CLUH: variants seen among roughly 807,000 people sequenced by gnomAD.
CLUH encodes CLUH binding protein of NUMT mRNA.
Under a neutral mutation model 139.3 loss-of-function variants are expected in CLUH, and 77 were observed. The observed-to-expected ratio is 0.55, with a 90% CI of 0.46 to 0.67. The LOEUF (loss-of-function observed/expected upper bound fraction) is 0.67, where lower values mean the gene tolerates loss of function less well. Among genes scored for constraint, CLUH ranks in the 30% least tolerant of loss-of-function variants. CLUH has a pLI of 0.00. For missense variants in CLUH, 1,876 were observed against 1,875.8 expected (o/e 1.00, Z 0.00); for synonymous variants, 999 against 801.6 (o/e 1.25, Z -4.16).
In CLUH at chr17:2,692,410, C is replaced by A. The variant is rs374574637; in HGVS notation, c.3511G>T (p.Ala1171Ser). 1.5e-3 allele frequency: 2,352 copies of A among 1,598,516 alleles called. 45 individuals are homozygous for A. In the South Asian group the frequency reaches 0.025, roughly 17 times the overall value. Reference protein sequence around the residue: ...LSLRFLENALAVSTKYHGPKA... With the variant: ...LSLRFLENALSVSTKYHGPKA... ...GGCCCGTGGTACTTGGTGCTGACGG[C>A]CAGCGCGTTCTCCAGGAAGCGCAGC... Residue 1171 changes from alanine (A) to serine (S), a missense_variant, in exon 22 of 26, where the codon GCC (alanine) becomes TCC (serine). Transcript: ENST00000651024.
In CLUH at chr17:2,707,235, G is replaced by C. The variant is rs1430452623; in HGVS notation, c.101-2671C>G. 2.0e-6 allele frequency: 2 copies of C among 985,330 alleles called. No individual in the cohort carries two copies. The highest frequency in any genetic ancestry group is 2.4e-6 in the Non-Finnish European group (2 of 829,932). 61.0% of individuals were successfully genotyped at this position (985,330 alleles called of 1,614,324 possible). A position where few individuals can be genotyped will look rare whatever the true frequency, so the allele number is the denominator to read the frequency against. The stretch of plus-strand genomic sequence containing the variant: ...AGTCTCAGGATGGCCGTGGCAGCAA[G>C]GCAGCCAGCTCTCCAGCTCAGCCCC... On this transcript the variant is annotated intron_variant, in intron 1 of 25. Coordinates refer to ENST00000651024, the MANE Select transcript of CLUH (RefSeq NM_001366661.1). This position sits in a 1 kb window ranked among gnomAD's most constrained non-coding sequence, Gnocchi z 7.4.
chr17:2,696,204 C>G lies in CLUH; in HGVS notation c.2346G>C (p.Leu782=). The change falls in exon 13 of 26, where the codon CTG becomes CTC. Residue 782 remains leucine (L), a synonymous_variant. Coordinates refer to ENST00000651024, the MANE Select transcript of CLUH (RefSeq NM_001366661.1). ...QDEVRDQKQL[L]KDAAAFLLSC... is the part of the protein sequence containing the mutation. ...AGAGCAGGAAGGCAGCCGCGTCCTT[C>G]AGCAGCTGCTTCTGGTCCCGAACTT... 2 of 1,575,900 alleles carry G rather than the reference C, an allele frequency of 1.3e-6. No homozygotes were observed. Among genetic ancestry groups the G allele is most frequent in the Non-Finnish European group, 1.7e-6 (2 of 1,161,434 alleles).
In CLUH at chr17:2,706,418, C is replaced by T. The variant is rs1486395877; in HGVS notation, c.101-1854G>A. 6.6e-6 allele frequency among the ~76,000 whole-genome samples: 1 copy of T among 152,128 alleles called. No individual in the cohort carries two copies. The highest frequency in any genetic ancestry group is 2.4e-5 in the African/African-American group (1 of 41,408). ...CCAAGTCAGAATGGGCCCCAGACTCCCTCCTGCAGCCCGCACCCTACGCCG... is the reference window on the plus strand; with the variant it reads ...CCAAGTCAGAATGGGCCCCAGACTCTCTCCTGCAGCCCGCACCCTACGCCG... On this transcript the variant is annotated intron_variant, in intron 1 of 25. Transcript: ENST00000651024. The surrounding 1 kb of genome is among the most constrained non-coding windows in gnomAD (Gnocchi z 4.6).
At chr17:2,708,172 TG>T (rs2070402086) in intron 1 of CLUH, among the ~76,000 whole-genome samples, 1 of 152,048 alleles carries the variant, frequency 6.6e-6, no homozygotes, top group Non-Finnish European at 1.5e-5. Flanking sequence ...CTACCCAGGG[TG>T]GGCGGGAGCC....
chr17:2,698,423 C>G lies in CLUH; in HGVS notation c.1434G>C (p.Gly478=), dbSNP rs753518448. 46 of 1,613,294 alleles carry G rather than the reference C, an allele frequency of 2.9e-5. No individual in the cohort carries two copies. The highest frequency in any genetic ancestry group is 3.6e-5 in the Non-Finnish European group (43 of 1,179,846). ...FDVRDHYKDF[G]GDVAAYVAPT... ...GCGCCACGTAGGCCGCCACGTCCCC[C>G]CCGAAGTCCTTGTAGTGGTCTCGGA... is the stretch of plus-strand genomic sequence containing the variant. Residue 478 remains glycine, a synonymous_variant, in exon 10 of 26, where the codon GGG becomes GGC. Coordinates refer to ENST00000651024, the MANE Select transcript of CLUH (RefSeq NM_001366661.1).
rs182342475 is a variant in CLUH at position 2,707,998 on chromosome 17, G to A, written c.101-3434C>T. 1.1e-4 allele frequency: 108 copies of A among 985,432 alleles called. No individual in the cohort carries two copies. In the African/African-American group the frequency reaches 1.6e-3, roughly 14 times the overall value. The allele number at this position is 985,432 out of a possible 1,614,324, so 61.0% of individuals were successfully genotyped here. ...TCCATCTTCCCTTCCCAGCAGCCCC[G>A]GCTCTGCCAGGAGGGAACCAAGTCT... On this transcript the variant is annotated intron_variant, in intron 1 of 25. Coordinates refer to ENST00000651024, the MANE Select transcript of CLUH (RefSeq NM_001366661.1). This position sits in a 1 kb window ranked among gnomAD's most constrained non-coding sequence, Gnocchi z 7.4.
intron 14 of CLUH, 21 bp from the exon 15 acceptor site, chr17:2,695,301 G>C (rs754842650): frequency 1.9e-6 from 3 of 1,613,738 alleles, no homozygotes; most frequent in Non-Finnish European, 2.5e-6. Context: ...TCAGAAGGGA[G>C]GTCTTGGTCA....
rs1338213799 is a variant in CLUH, at chr17:2,711,673, C to T, written c.-12G>A. On this transcript the variant is annotated 5_prime_UTR_variant, in exon 1 of 26. Coordinates refer to ENST00000651024, the MANE Select transcript of CLUH (RefSeq NM_001366661.1). ...GTCTTGATAACCATGGTGGCGGGAG[C>T]GGGCGTCCGCCTCGGCTGTCCGCGC... 6 of 978,512 alleles carry T rather than the reference C, an allele frequency of 6.1e-6. No individual in the cohort carries two copies. The highest frequency in any genetic ancestry group is 1.8e-5 in the African/African-American group (1 of 57,064). 60.6% of individuals were successfully genotyped at this position (978,512 alleles called of 1,614,324 possible).
At chr17:2,696,643 T>C (rs1391983483) in intron 11 of CLUH, 76 bp downstream of exon 11, 1 of 1,566,020 alleles carries the variant, frequency 6.4e-7, no homozygotes, top group Non-Finnish European at 8.7e-7. Flanking sequence ...TCTGCCAGCC[T>C]CTCCCAGGTG....
rs1426004980 is a variant in CLUH at position 2,697,912 on chromosome 17, C to T, written c.1945G>A (p.Ala649Thr). Residue 649 changes from alanine to threonine, a missense_variant, in exon 10 of 26, where the codon GCC becomes ACC. This residue lies in a region of CLUH where 1,454 missense variants were observed against 1,384.4 expected (regional missense o/e 1.05). Transcript: ENST00000651024. ...LCCLRQELVD[A>T]FVEHRYLLFM... ...GCCCCTCACCTGTGCTCCACGAAGG[C>T]GTCCACCAGCTCCTGGCGCAGGCAG... 2.6e-6 allele frequency: 4 copies of T among 1,515,420 alleles called. No individual in the cohort carries two copies. The highest frequency in any genetic ancestry group is 1.4e-5 in the African/African-American group (1 of 72,970). The allele number at this position is 1,515,420 out of a possible 1,614,324, so 93.9% of individuals were successfully genotyped here. A position where few individuals can be genotyped will look rare whatever the true frequency, so the allele number is the denominator to read the frequency against.
At chr17:2,705,085 G>A (rs1465754911) in intron 1 of CLUH, among the ~76,000 whole-genome samples, 1 of 147,788 alleles carries the variant, frequency 6.8e-6, no homozygotes, top group Non-Finnish European at 1.5e-5. Context: ...TGGCTCACAC[G>A]GCCAATCCTG....
Position 2,692,765 on chromosome 17 carries a change from G to A in CLUH, c.3312+15C>T. On this transcript the variant is annotated intron_variant, in intron 20 of 25. Transcript: ENST00000651024. ...CCCCTCGCATCCCCCGGCGCGGGCGGCACTCGCGACTCACGTATTCCTGGA... is the reference window on the plus strand; with the variant it reads ...CCCCTCGCATCCCCCGGCGCGGGCGACACTCGCGACTCACGTATTCCTGGA... 1 of 1,598,800 alleles carries A rather than the reference G, an allele frequency of 6.3e-7. No individual in the cohort carries two copies. Among genetic ancestry groups the A allele is most frequent in the Non-Finnish European group, 8.5e-7 (1 of 1,169,902 alleles).
intron 19 of CLUH, among the ~76,000 whole-genome samples, chr17:2,693,616 T>G (rs1378743846): frequency 4.8e-5 from 7 of 146,242 alleles, no homozygotes; most frequent in Non-Finnish European, 1.1e-4. Flanking sequence ...CTCGGTGGCA[T>G]GCTTCCTGCC....
chr17:2,701,199 C>T lies in CLUH; in HGVS notation c.966G>A (p.Glu322=), dbSNP rs753306551. 84 of 1,613,864 alleles carry T rather than the reference C, an allele frequency of 5.2e-5. No homozygotes were observed. Among genetic ancestry groups the T allele is most frequent in the Non-Finnish European group, 6.5e-5 (77 of 1,179,900 alleles). ...AGGTCGGGCTGATCTGGTTGAGCAG[C>T]TCCACTAGGGAATGGCTTAGGAAGC... The part of the protein sequence containing the change: ...SPRFLSHSLV[E]LLNQISPTFK... Residue 322 remains glutamate, a synonymous_variant, in exon 7 of 26, where the codon GAG becomes GAA. Coordinates refer to ENST00000651024, the MANE Select transcript of CLUH (RefSeq NM_001366661.1).
chr17:2,691,676 C>G lies in CLUH; in HGVS notation c.3796G>C (p.Ala1266Pro). 1 of 1,611,856 alleles carries G rather than the reference C, an allele frequency of 6.2e-7. No homozygotes were observed. The highest frequency in any genetic ancestry group is 1.1e-5 in the South Asian group (1 of 90,878). ...TCCAAGACGCTGGCCATGCTGGGGGCCGTGAACTGCGGGGCGGGGAAACCA... is the reference window on the plus strand; with the variant it reads ...TCCAAGACGCTGGCCATGCTGGGGGGCGTGAACTGCGGGGCGGGGAAACCA... The part of the protein sequence containing the change: ...SANIPPLKFT[A>P]PSMASVLEQL... Residue 1266 changes from alanine (A) to proline (P), a missense_variant, in exon 25 of 26, where the codon GCC (alanine) becomes CCC (proline). By Grantham distance (27) the Ala-to-Pro change is conservative. Coordinates refer to ENST00000651024, the MANE Select transcript of CLUH (RefSeq NM_001366661.1).
Position 2,707,780 on chromosome 17 carries a change from A to AC in CLUH, c.101-3217dup, listed in dbSNP as rs1356530913. On this transcript the variant is annotated intron_variant, in intron 1 of 25. Coordinates refer to ENST00000651024, the MANE Select transcript of CLUH (RefSeq NM_001366661.1). The surrounding 1 kb of genome is among the most constrained non-coding windows in gnomAD (Gnocchi z 7.4). ...TGCCCACCAGTCCCAGACACTGAGC[A>AC]CCCCACTGTCCCTGGGCCAAGGGCC... 1.0e-5 allele frequency: 10 copies of AC among 985,164 alleles called. No individual in the cohort carries two copies. The African/African-American group carries it at 1.7e-4, about 17-fold the overall frequency. The allele number at this position is 985,164 out of a possible 1,614,324, so 61.0% of individuals were successfully genotyped here.
At position 2,690,504 on chromosome 17, in the gene CLUH, T is replaced by C; in HGVS notation, c.*90A>G. ...AGACGTGGAGGAAGAGGGCCTTGCT[T>C]CCTCTTCCGCCCGCAGGCTCGCCCC... is the stretch of plus-strand genomic sequence containing the variant. On this transcript the variant is annotated 3_prime_UTR_variant, in exon 26 of 26. Coordinates refer to ENST00000651024, the MANE Select transcript of CLUH (RefSeq NM_001366661.1). 1 of 1,185,330 alleles carries C rather than the reference T, an allele frequency of 8.4e-7. No homozygotes were observed. The highest frequency in any genetic ancestry group is 1.1e-6 in the Non-Finnish European group (1 of 898,446). The allele number at this position is 1,185,330 out of a possible 1,614,324, so 73.4% of individuals were successfully genotyped here.
rs1243173274 is a variant in CLUH at position 2,703,951 on chromosome 17, C to T, written c.303+411G>A. Reference sequence around the variant, plus strand: ...CCTGTCTCGTTCCCCACTGAGTCACCGGCTTGCAAGACCTCCACGCTGGCT... The same window carrying T: ...CCTGTCTCGTTCCCCACTGAGTCACTGGCTTGCAAGACCTCCACGCTGGCT... On this transcript the variant is annotated intron_variant, in intron 2 of 25. Coordinates refer to ENST00000651024, the MANE Select transcript of CLUH (RefSeq NM_001366661.1). The surrounding 1 kb of genome is among the most constrained non-coding windows in gnomAD (Gnocchi z 4.2). Among the ~76,000 whole-genome samples the T allele has an allele frequency of 6.6e-6, 1 of 152,182 alleles. No individual in the cohort carries two copies. The highest frequency in any genetic ancestry group is 2.4e-5 in the African/African-American group (1 of 41,444).
In CLUH at chr17:2,698,411, C is replaced by A; in HGVS notation, c.1446G>T (p.Ala482=). The A allele has an allele frequency of 6.2e-7, 1 of 1,613,302 alleles. No homozygotes were observed. Among genetic ancestry groups the A allele is most frequent in the Non-Finnish European group, 8.5e-7 (1 of 1,179,778 alleles). ...DHYKDFGGDV[A]AYVAPTNDLN... ...GGTCGTTGGTGGGCGCCACGTAGGC[C>A]GCCACGTCCCCCCCGAAGTCCTTGT... The change falls in exon 10 of 26, where the codon GCG becomes GCT. Residue 482 remains alanine, a synonymous_variant. Coordinates refer to ENST00000651024, the MANE Select transcript of CLUH (RefSeq NM_001366661.1).
Sources: allele counts gnomAD v4.1 joint callset (sites outside exome capture counted in the v4.1 genomes callset), GRCh38; gene constraint gnomAD v4.1.1; regional missense constraint gnomAD v4.1.1; non-coding constraint Gnocchi (gnomAD v3.1); transcripts MANE v1.5; gene names NCBI Gene and HGNC (gene_info 2026-07-23, HGNC 2026-07-21).